Variants in VSNL1 observed in about 807,000 individuals in gnomAD.
VSNL1 encodes visinin like 1.
VSNL1 carries 6 observed loss-of-function variants against 20.4 expected under a neutral mutation model. The observed-to-expected ratio is 0.29, with a 90% CI of 0.16 to 0.58. The LOEUF is 0.58. Ranked by LOEUF, VSNL1 falls within the 20% of genes least tolerant of loss-of-function variation. The pLI is 0.90. For missense variants in VSNL1, 100 were observed against 234.5 expected (o/e 0.43, Z 3.75); for synonymous variants, 93 against 86.4 (o/e 1.08, Z -0.42).
At chr2:17,577,617 G>C (rs1421115972) in intron 1 of VSNL1, among the ~76,000 whole-genome samples, 1 of 152,084 alleles carries the variant, frequency 6.6e-6, no homozygotes. Context: ...AACATTCCCT[G>C]TTCTTTCAAT....
At chr2:17,644,920 T>C (rs1019759066) in intron 2 of VSNL1, among the ~76,000 whole-genome samples, 2 of 152,216 alleles carry the variant, frequency 1.3e-5, no homozygotes, top group African/African-American at 2.4e-5. Context: ...TGTATATTCA[T>C]AGGCCAGGCA....
intron 1 of VSNL1, among the ~76,000 whole-genome samples, chr2:17,576,942 AT>A (rs1173895382): frequency 3.3e-5 from 5 of 152,210 alleles, no homozygotes; most frequent in Non-Finnish European, 7.3e-5. Flanking sequence ...GCATCACTTA[AT>A]GACAGAAACA....
intron 2 of VSNL1, among the ~76,000 whole-genome samples, chr2:17,630,932 A>G (rs561485503): frequency 6.6e-6 from 1 of 152,224 alleles, no homozygotes; most frequent in South Asian, 2.1e-4. Context: ...TAGGCACACA[A>G]CACCACGCCT....
chr2:17,649,392 G>A lies in VSNL1; in HGVS notation c.163-18G>A, dbSNP rs370234770. 39 of 1,613,072 alleles carry A rather than the reference G, an allele frequency of 2.4e-5. No individual in the cohort carries two copies. The highest frequency in any genetic ancestry group is 3.1e-5 in the Non-Finnish European group (37 of 1,179,176). ...CCATCCCCTCCCGACACCTGACTGC[G>A]CGTGTTCTCCTTTGCAGTTCTTTCC... On this transcript the variant is annotated intron_variant, in intron 2 of 3. Coordinates refer to ENST00000295156, the MANE Select transcript of VSNL1 (RefSeq NM_003385.5). The surrounding 1 kb of genome is among the most constrained non-coding windows in gnomAD (Gnocchi z 6.4).
chr2:17,585,622 C>T (rs527814214), intron 1 of VSNL1, among the ~76,000 whole-genome samples: 1 of 150,864 alleles, frequency 6.6e-6, no homozygotes, highest in East Asian at 2.0e-4. Flanking sequence ...GACACCCATC[C>T]AGGTGGGGGG....
chr2:17,602,513 C>T (rs766904037), intron 2 of VSNL1, among the ~76,000 whole-genome samples: 19 of 152,108 alleles, frequency 1.2e-4, no homozygotes, highest in Non-Finnish European at 2.6e-4. Context: ...GATGCCGAGG[C>T]GGGTGGATCA....
Position 17,649,338 on chromosome 2 carries a change from C to A in VSNL1, c.163-72C>A. ...CGCCCAGGAGCACCTGTGATGCCGT[C>A]ATTAGGAACCTACCTCGTCGCCCCG... On this transcript the variant is annotated intron_variant, in intron 2 of 3. Transcript: ENST00000295156. The surrounding 1 kb of genome is among the most constrained non-coding windows in gnomAD (Gnocchi z 6.4). 1 of 1,477,980 alleles carries A rather than the reference C, an allele frequency of 6.8e-7. No homozygotes were observed. Among genetic ancestry groups the A allele is most frequent in the Non-Finnish European group, 9.4e-7 (1 of 1,059,892 alleles). 91.6% of individuals were successfully genotyped at this position (1,477,980 alleles called of 1,614,324 possible).
At chr2:17,557,265 C>T (rs1455897412) in intron 1 of VSNL1, among the ~76,000 whole-genome samples, 1 of 152,158 alleles carries the variant, frequency 6.6e-6, no homozygotes, top group Non-Finnish European at 1.5e-5. Flanking sequence ...ACTCACTTCA[C>T]CTTGTTTTTA....
chr2:17,638,328 G>A (rs1040943250), intron 2 of VSNL1, among the ~76,000 whole-genome samples: 1 of 152,216 alleles, frequency 6.6e-6, no homozygotes, highest in Non-Finnish European at 1.5e-5. Flanking sequence ...TGCTTACATA[G>A]TGCCTGACAC....
intron 1 of VSNL1, among the ~76,000 whole-genome samples, chr2:17,577,373 T>G (rs970800091): frequency 2.6e-5 from 4 of 152,238 alleles, no homozygotes; most frequent in Non-Finnish European, 4.4e-5. Flanking sequence ...ACTTTTTTTA[T>G]TGAACTGCTA....
intron 1 of VSNL1, among the ~76,000 whole-genome samples, chr2:17,566,677 GT>G (rs1490540083): frequency 2.0e-5 from 3 of 151,984 alleles, no homozygotes; most frequent in Admixed American, 2.0e-4. Context: ...TTTGTTTATG[GT>G]TGCTTTTGTC....
intron 2 of VSNL1, among the ~76,000 whole-genome samples, chr2:17,608,797 G>A (rs541092439): frequency 5.9e-5 from 9 of 152,284 alleles, no homozygotes; most frequent in South Asian, 4.1e-4. Context: ...TTAGTTTTAC[G>A]ATTTCCAAGC....
Position 17,649,467 on chromosome 2 carries a change from A to G in VSNL1, c.220A>G (p.Lys74Glu). 1.2e-6 allele frequency: 2 copies of G among 1,614,112 alleles called. No individual in the cohort carries two copies. Among genetic ancestry groups the G allele is most frequent in the Non-Finnish European group, 1.7e-6 (2 of 1,179,982 alleles). The change falls in exon 3 of 4, where the codon AAG becomes GAG. Residue 74 changes from lysine to glutamate, a missense_variant. Physicochemically the swap from Lys to Glu is moderately conservative, Grantham distance 56 (BLOSUM62 1). Transcript: ENST00000295156. This position sits in a 1 kb window ranked among gnomAD's most constrained non-coding sequence, Gnocchi z 6.4. ...FAQHAFRTFDKNGDGTIDFRE... is the reference protein window; with the variant it reads ...FAQHAFRTFDENGDGTIDFRE... ...CCAGCATGCCTTCCGAACCTTCGAC[A>G]AGAATGGGGACGGCACCATTGACTT...
chr2:17,561,802 T>A (rs536741909), intron 1 of VSNL1, among the ~76,000 whole-genome samples: 2 of 152,256 alleles, frequency 1.3e-5, no homozygotes, highest in Admixed American at 6.5e-5. Context: ...AGAGAGAGAC[T>A]GTTTATGAAT....
chr2:17,654,898 T>C (rs1666193296), intron 3 of VSNL1, among the ~76,000 whole-genome samples: 1 of 152,328 alleles, frequency 6.6e-6, no homozygotes, highest in East Asian at 1.9e-4. Context: ...ACCTGTGATG[T>C]GCCAGGCATC....
At chr2:17,572,842 AG>A (rs766274667) in intron 1 of VSNL1, among the ~76,000 whole-genome samples, 5 of 152,218 alleles carry the variant, frequency 3.3e-5, no homozygotes, top group Non-Finnish European at 7.3e-5. Flanking sequence ...TCCACTGCAA[AG>A]GTTGCTTCTC....
intron 2 of VSNL1, among the ~76,000 whole-genome samples, chr2:17,625,889 G>A (rs1045525256): frequency 3.2e-5 from 4 of 123,176 alleles, no homozygotes; most frequent in South Asian, 2.7e-4. Flanking sequence ...TACAACCTCC[G>A]CCTTCCCGGT....
At chr2:17,602,496 A>G (rs1209481856) in intron 2 of VSNL1, among the ~76,000 whole-genome samples, 7 of 152,266 alleles carry the variant, frequency 4.6e-5, no homozygotes, top group Non-Finnish European at 8.8e-5. Context: ...TAATCCCAGC[A>G]CTTTGGGATG....
intron 2 of VSNL1, among the ~76,000 whole-genome samples, chr2:17,607,460 G>A (rs887448605): frequency 6.6e-6 from 1 of 152,240 alleles, no homozygotes; most frequent in Non-Finnish European, 1.5e-5. Flanking sequence ...TTCAATATGA[G>A]TGAGAAGAGT....
Sources: allele counts gnomAD v4.1 joint callset (sites outside exome capture counted in the v4.1 genomes callset), GRCh38; gene constraint gnomAD v4.1.1; non-coding constraint Gnocchi (gnomAD v3.1); transcripts MANE v1.5; gene names NCBI Gene and HGNC (gene_info 2026-07-23, HGNC 2026-07-21).